Variants in LRRFIP2 observed in about 807,000 individuals in gnomAD.
LRRFIP2 encodes LRR binding FLII interacting protein 2, also known as leucine-rich repeat flightless-interacting protein 2.
LRRFIP2 carries 109 observed loss-of-function variants against 125.9 expected under a neutral mutation model. The observed-to-expected ratio is 0.87, with a 90% CI of 0.74 to 1.01. The LOEUF is 1.01. LRRFIP2 is among the 50% of genes least tolerant of loss of function. The probability of loss-of-function intolerance (pLI) is 0.00; values close to 1 mark genes in which losing one functional copy is unlikely to be tolerated. For missense variants in LRRFIP2, 850 were observed against 862.3 expected, an observed-to-expected ratio of 0.99 and a Z score of 0.18; for synonymous variants, 291 against 293.1, an observed-to-expected ratio of 0.99 and a Z score of 0.07.
At chr3:37,135,261 C>T (rs910919890) in intron 2 of LRRFIP2, among the ~76,000 whole-genome samples, 2 of 151,842 alleles carry the variant, frequency 1.3e-5, no homozygotes, top group African/African-American at 4.8e-5. Flanking sequence ...GAGTTCAAGA[C>T]CAGCCTGGCC....
intron 1 of LRRFIP2, among the ~76,000 whole-genome samples, chr3:37,155,823 T>C (rs1023143838): frequency 6.6e-6 from 1 of 152,162 alleles, no homozygotes; most frequent in African/African-American, 2.4e-5. Context: ...ATCCAGATGG[T>C]AGGTACATGA....
At chr3:37,129,209 G>A in intron 2 of LRRFIP2, 60 bp from the exon 3 acceptor site, 1 of 1,461,922 alleles carries the variant, frequency 6.8e-7, no homozygotes, top group Non-Finnish European at 9.5e-7. Flanking sequence ...CTGTACACCA[G>A]ATTTGAAAAT....
At chr3:37,126,349 A>C (rs1447790845) in intron 4 of LRRFIP2, among the ~76,000 whole-genome samples, 1 of 152,082 alleles carries the variant, frequency 6.6e-6, no homozygotes, top group East Asian at 1.9e-4. Context: ...CAGTTTTAAC[A>C]GGGTAAAAGC....
chr3:37,116,312 T>A (rs77143882), intron 6 of LRRFIP2, among the ~76,000 whole-genome samples: 3 of 146,674 alleles, frequency 2.0e-5, no homozygotes, highest in Admixed American at 6.9e-5. Flanking sequence ...TTTTTTTTTT[T>A]AATTTTAGGA....
intron 8 of LRRFIP2, among the ~76,000 whole-genome samples, chr3:37,112,181 CAA>C (rs2094569094): frequency 6.6e-6 from 1 of 151,612 alleles, no homozygotes; most frequent in Non-Finnish European, 1.5e-5. Flanking sequence ...TACAAAAATA[CAA>C]AAATTAGCCA....
intron 6 of LRRFIP2, among the ~76,000 whole-genome samples, chr3:37,115,802 T>C (rs1304443413): frequency 6.6e-6 from 1 of 152,208 alleles, no homozygotes; most frequent in African/African-American, 2.4e-5. Context: ...AAAAGTAAGA[T>C]ATGTAATACC....
intron 6 of LRRFIP2, among the ~76,000 whole-genome samples, chr3:37,118,471 C>T (rs1426974134): frequency 6.6e-6 from 1 of 152,158 alleles, no homozygotes; most frequent in African/African-American, 2.4e-5. Flanking sequence ...ATTAATAATC[C>T]AATCATTATA....
rs1286452590 is a variant in LRRFIP2, at chr3:37,053,901, G to T, written c.2116C>A (p.Arg706=). 7 of 1,614,084 alleles carry T rather than the reference G, an allele frequency of 4.3e-6. No individual in the cohort carries two copies. The highest frequency in any genetic ancestry group is 5.1e-6 in the Non-Finnish European group (6 of 1,179,944). The part of the protein sequence containing the change: ...MEMTNSHLAK[R]LEKMKANRTA... ...CTATTGGCCTTCATCTTCTCCAGCC[G>T]CTTGGCCAGGTGGCTGTTGGTCATC... The change falls in exon 28 of 28, where the codon CGG becomes AGG. Residue 706 remains arginine (R), a synonymous_variant. Coordinates refer to ENST00000336686, the MANE Select transcript of LRRFIP2 (RefSeq NM_006309.4).
intron 2 of LRRFIP2, chr3:37,140,310 T>C (rs1055050953): frequency 6.6e-6 from 1 of 152,256 alleles, no homozygotes; most frequent in African/African-American, 2.4e-5. Flanking sequence ...TCCAACTTGC[T>C]ATTAAAAATT....
chr3:37,120,598 G>A (rs1458345684), intron 6 of LRRFIP2, among the ~76,000 whole-genome samples: 1 of 151,804 alleles, frequency 6.6e-6, no homozygotes, highest in East Asian at 1.9e-4. Context: ...TAGTATGCCA[G>A]AGCACACTCA....
At chr3:37,115,225 A>C in intron 6 of LRRFIP2, 130 bp from the exon 7 acceptor site, 1 of 598,838 alleles carries the variant, frequency 1.7e-6, no homozygotes, top group East Asian at 2.8e-5. Context: ...TAAACATGAA[A>C]GCTAATCCAG....
intron 1 of LRRFIP2, among the ~76,000 whole-genome samples, chr3:37,168,945 T>C (rs2096547637): frequency 6.6e-6 from 1 of 152,202 alleles, no homozygotes; most frequent in African/African-American, 2.4e-5. Context: ...CCTGGCCTAT[T>C]TTCTAATCTT....
intron 18 of LRRFIP2, among the ~76,000 whole-genome samples, chr3:37,087,013 T>A (rs1245221624): frequency 2.0e-5 from 3 of 151,968 alleles, no homozygotes; most frequent in Admixed American, 6.6e-5. Context: ...AGGCACGTAC[T>A]ACCACACCTG....
chr3:37,091,102 G>A (rs1026140690), intron 18 of LRRFIP2, among the ~76,000 whole-genome samples: 4 of 152,082 alleles, frequency 2.6e-5, no homozygotes, highest in Non-Finnish European at 4.4e-5. Context: ...GAGGCTGGGC[G>A]AGGTGGCTCA....
intron 3 of LRRFIP2, among the ~76,000 whole-genome samples, chr3:37,128,086 ACAACGGATTG>A (rs1323520895): frequency 6.6e-6 from 1 of 152,208 alleles, no homozygotes; most frequent in African/African-American, 2.4e-5. Flanking sequence ...GAGTAAAAAG[ACAACGGATTG>A]CAACACTTCC....
intron 2 of LRRFIP2, among the ~76,000 whole-genome samples, chr3:37,134,426 C>G (rs1022142412): frequency 1.3e-4 from 20 of 152,182 alleles, no homozygotes; most frequent in African/African-American, 4.6e-4. Flanking sequence ...GGGGGTGGAA[C>G]CCCATTCGGA....
Position 37,088,050 on chromosome 3 carries a change from C to G in LRRFIP2, c.1107+3417G>C, listed in dbSNP as rs148900572. The stretch of plus-strand genomic sequence containing the variant: ...TCTAGCAATCTGTATTTATTAAAAG[C>G]TCCAGGTGATTATGACACACACCAA... On this transcript the variant is annotated intron_variant, in intron 18 of 27. Coordinates refer to ENST00000336686, the MANE Select transcript of LRRFIP2 (RefSeq NM_006309.4). Among the ~76,000 whole-genome samples the G allele has an allele frequency of 7.2e-5, 11 of 152,306 alleles. No individual in the cohort carries two copies. The East Asian group carries it at 2.1e-3, about 29-fold the overall frequency.
At chr3:37,145,323 T>C (rs1178425213) in intron 2 of LRRFIP2, among the ~76,000 whole-genome samples, 1 of 152,214 alleles carries the variant, frequency 6.6e-6, no homozygotes, top group Non-Finnish European at 1.5e-5. Flanking sequence ...AGAGAGGACT[T>C]TATACAACCC....
intron 1 of LRRFIP2, chr3:37,170,560 A>G (rs1266258296): frequency 6.6e-6 from 1 of 152,240 alleles, no homozygotes; most frequent in Admixed American, 6.5e-5. Context: ...CCTGTAGCAT[A>G]GTCCATTATT....
Sources: allele counts gnomAD v4.1 joint callset (sites outside exome capture counted in the v4.1 genomes callset), GRCh38; gene constraint gnomAD v4.1.1; transcripts MANE v1.5; gene names NCBI Gene and HGNC (gene_info 2026-07-23, HGNC 2026-07-21).